Variants in ANTXR1 observed in about 807,000 individuals in gnomAD.
ANTXR1 encodes ANTXR cell adhesion molecule 1.
In ANTXR1, 19 loss-of-function variants were observed where a neutral mutation model predicts 78.1. The observed-to-expected ratio is 0.24, with a 90% confidence interval of 0.17 to 0.36. The LOEUF is 0.36. Among genes scored for constraint, ANTXR1 ranks in the 10% least tolerant of loss-of-function variants. The pLI, the probability that ANTXR1 is intolerant of heterozygous loss-of-function variation, is 1.00. For missense variants in ANTXR1, 518 were observed against 718.6 expected, an observed-to-expected ratio of 0.72 and a Z score of 3.19; for synonymous variants, 273 against 260.5, an observed-to-expected ratio of 1.05 and a Z score of -0.46.
intron 12 of ANTXR1, 57 bp from the exon 13 acceptor site, chr2:69,152,112 G>A (rs1196885652): frequency 2.6e-6 from 4 of 1,529,964 alleles, no homozygotes; most frequent in Non-Finnish European, 3.6e-6. Context: ...AGTTTGGGGA[G>A]GGAAGATCAC....
At chr2:69,089,045 C>G (rs74391551) in intron 8 of ANTXR1, among the ~76,000 whole-genome samples, 7,569 of 152,128 alleles carry the variant, frequency 0.05, 270 homozygotes, top group Middle Eastern at 0.092. Context: ...GCTAGGTAAG[C>G]CAGAGGCTGA....
At chr2:69,103,273 C>G (rs552306492) in intron 10 of ANTXR1, 1 of 390,386 alleles carries the variant, frequency 2.6e-6, no homozygotes, top group Admixed American at 3.7e-5. Context: ...TGTCCCCTGC[C>G]ATCTACCGAG....
intron 8 of ANTXR1, among the ~76,000 whole-genome samples, chr2:69,079,768 G>A (rs1670846576): frequency 6.6e-6 from 1 of 152,232 alleles, no homozygotes; most frequent in Non-Finnish European, 1.5e-5. Context: ...CAATAGTCCT[G>A]CCTTAAGATG....
intron 13 of ANTXR1, among the ~76,000 whole-genome samples, chr2:69,165,546 T>C (rs1435104110): frequency 6.6e-6 from 1 of 152,198 alleles, no homozygotes; most frequent in Non-Finnish European, 1.5e-5. Flanking sequence ...AGGGGAGATG[T>C]GAAGTTGTGG....
At chr2:69,202,476 T>A (rs1301046112) in intron 17 of ANTXR1, among the ~76,000 whole-genome samples, 3 of 151,866 alleles carry the variant, frequency 2.0e-5, no homozygotes, top group East Asian at 3.9e-4. Context: ...CTGGAGGAGA[T>A]CTAGAATTGG....
At chr2:69,057,946 T>A (rs1670113107) in intron 3 of ANTXR1, among the ~76,000 whole-genome samples, 1 of 152,196 alleles carries the variant, frequency 6.6e-6, no homozygotes, top group Non-Finnish European at 1.5e-5. Context: ...TTTAGTGGTT[T>A]GGATAGAAGA....
At chr2:69,160,016 A>AC (rs1309745763) in intron 13 of ANTXR1, among the ~76,000 whole-genome samples, 1 of 152,244 alleles carries the variant, frequency 6.6e-6, no homozygotes, top group Non-Finnish European at 1.5e-5. Context: ...GGATTTACTG[A>AC]CAGTTTAATA....
intron 10 of ANTXR1, among the ~76,000 whole-genome samples, chr2:69,108,344 A>G (rs945114244): frequency 6.6e-6 from 1 of 152,262 alleles, no homozygotes; most frequent in South Asian, 2.1e-4. Flanking sequence ...CCGAGAGGGT[A>G]ATTAAGTTGG....
intron 12 of ANTXR1, among the ~76,000 whole-genome samples, chr2:69,149,239 C>G (rs1326391853): frequency 6.6e-6 from 1 of 152,168 alleles, no homozygotes; most frequent in African/African-American, 2.4e-5. Flanking sequence ...TCCTGAGCCC[C>G]CCGGCTGTCC....
At chr2:69,170,925 T>C (rs1469581537) in intron 14 of ANTXR1, among the ~76,000 whole-genome samples, 2 of 152,144 alleles carry the variant, frequency 1.3e-5, no homozygotes, top group African/African-American at 4.8e-5. Context: ...TAGAATACAG[T>C]GGAGGCATTA....
rs772495640 is a variant in ANTXR1, at chr2:69,193,428, AATTC to A, written c.1434+17_1434+20del. ...GCCAGGAGACACGGTAGGACTCGTT[AATTC>A]ATTAATGGTGTCTCTCTCTCTCTCT... On this transcript the variant is annotated intron_variant, in intron 17 of 17. Transcript: ENST00000303714. The A allele has an allele frequency of 2.3e-5, 36 of 1,595,652 alleles. No individual in the cohort carries two copies. The highest frequency in any genetic ancestry group is 3.0e-5 in the Non-Finnish European group (35 of 1,166,540).
At chr2:69,084,877 G>T (rs1406299614) in intron 8 of ANTXR1, among the ~76,000 whole-genome samples, 1 of 127,482 alleles carries the variant, frequency 7.8e-6, no homozygotes, top group African/African-American at 3.1e-5. Context: ...TTTTGAGGCA[G>T]AGTCTCGCTC....
chr2:69,156,077 C>G (rs1673516750), intron 13 of ANTXR1, among the ~76,000 whole-genome samples: 1 of 152,156 alleles, frequency 6.6e-6, no homozygotes, highest in African/African-American at 2.4e-5. Context: ...CAGAAGAGAG[C>G]AGCCCAGCTT....
chr2:69,227,473 G>A (rs558329869), intron 17 of ANTXR1, among the ~76,000 whole-genome samples: 61 of 152,252 alleles, frequency 4.0e-4, no homozygotes, highest in South Asian at 2.9e-3. Context: ...CACTGGGGCC[G>A]CTCCTTTAGA....
intron 17 of ANTXR1, 145 bp from the exon 18 acceptor site, chr2:69,245,080 C>T: frequency 1.1e-6 from 1 of 918,484 alleles, no homozygotes; most frequent in Non-Finnish European, 1.8e-6. Flanking sequence ...CTCACTTGTC[C>T]TCAAGTTCTA....
At chr2:69,072,797 T>A (rs1391099940) in intron 5 of ANTXR1, among the ~76,000 whole-genome samples, 1 of 152,220 alleles carries the variant, frequency 6.6e-6, no homozygotes, top group African/African-American at 2.4e-5. Flanking sequence ...TTTTTCAAGA[T>A]GAGGCTGAAA....
chr2:69,124,508 AG>A, intron 11 of ANTXR1, 56 bp from the exon 12 acceptor site: 1 of 1,495,720 alleles, frequency 6.7e-7, no homozygotes, highest in Non-Finnish European at 9.3e-7. Context: ...TCTGGCTCTC[AG>A]CCTGTTGCTC....
At chr2:69,062,657 T>A (rs1233969732) in intron 3 of ANTXR1, among the ~76,000 whole-genome samples, 1 of 152,206 alleles carries the variant, frequency 6.6e-6, no homozygotes, top group South Asian at 2.1e-4. Context: ...CTGCTTTTTT[T>A]ATACTCAGTG....
intron 13 of ANTXR1, among the ~76,000 whole-genome samples, chr2:69,163,273 A>G (rs1222430981): frequency 1.3e-5 from 2 of 151,292 alleles, no homozygotes; most frequent in African/African-American, 2.4e-5. Flanking sequence ...TTAAAATAGA[A>G]TTTCAGCTTT....
Sources: allele counts gnomAD v4.1 joint callset (sites outside exome capture counted in the v4.1 genomes callset), GRCh38; gene constraint gnomAD v4.1.1; transcripts MANE v1.5; gene names NCBI Gene and HGNC (gene_info 2026-07-23, HGNC 2026-07-21).